The following DNM3 variants were observed in gnomAD, a reference collection of about 807,000 sequenced individuals.
DNM3 encodes the protein dynamin-3.
Under a neutral mutation model 101.6 loss-of-function variants are expected in DNM3, and 47 were observed. The observed-to-expected ratio is 0.46, with a 90% CI of 0.37 to 0.59. The LOEUF is 0.59. Among genes scored for constraint, DNM3 ranks in the 20% least tolerant of loss-of-function variants. The pLI is 0.00. For synonymous variants in DNM3, 385 were observed against 387.9 expected, an observed-to-expected ratio of 0.99 and a Z score of 0.09; for missense variants, 849 against 1,085.7, an observed-to-expected ratio of 0.78 and a Z score of 3.06.
chr1:172,148,476 A>G (rs1356385633), intron 14 of DNM3, among the ~76,000 whole-genome samples: 1 of 152,120 alleles, frequency 6.6e-6, no homozygotes, highest in East Asian at 1.9e-4. Flanking sequence ...TTTAATATTT[A>G]TATATGTGTC....
intron 2 of DNM3, among the ~76,000 whole-genome samples, chr1:171,937,923 GCTGTTGGT>G (rs1283356783): frequency 1.3e-5 from 2 of 152,090 alleles, no homozygotes; most frequent in African/African-American, 2.4e-5. Context: ...TGCTTCTAAA[GCTGTTGGT>G]CTTTGAATCA....
intron 4 of DNM3, among the ~76,000 whole-genome samples, chr1:172,022,913 T>C (rs1042979391): frequency 5.9e-5 from 9 of 152,248 alleles, no homozygotes; most frequent in African/African-American, 2.2e-4. Context: ...GCTGAATAAA[T>C]TTTTATAATC....
intron 4 of DNM3, among the ~76,000 whole-genome samples, chr1:171,994,965 G>T (rs1441234244): frequency 3.3e-5 from 5 of 151,822 alleles, no homozygotes; most frequent in Non-Finnish European, 7.4e-5. Context: ...TCCCCTCCAG[G>T]GGTTTCTAGG....
At chr1:172,391,591 A>C (rs1201914737) in intron 20 of DNM3, among the ~76,000 whole-genome samples, 1 of 152,212 alleles carries the variant, frequency 6.6e-6, no homozygotes, top group Admixed American at 6.5e-5. Context: ...TGTTTGTTTA[A>C]TATATTCTAT....
intron 15 of DNM3, among the ~76,000 whole-genome samples, chr1:172,301,925 G>A (rs997256861): frequency 1.1e-4 from 16 of 152,262 alleles, no homozygotes; most frequent in African/African-American, 2.4e-4. Context: ...CAAGATGACC[G>A]AATAGTAACA....
At chr1:171,895,878 C>T (rs1216399589) in intron 1 of DNM3, among the ~76,000 whole-genome samples, 1 of 152,084 alleles carries the variant, frequency 6.6e-6, no homozygotes, top group Admixed American at 6.5e-5. Context: ...TTTCCCAGCA[C>T]CATTTATTAA....
intron 14 of DNM3, among the ~76,000 whole-genome samples, chr1:172,176,649 C>A (rs902845931): frequency 6.6e-6 from 1 of 151,810 alleles, no homozygotes; most frequent in Non-Finnish European, 1.5e-5. Flanking sequence ...TCCTGACCCA[C>A]AGAAATGTAA....
At chr1:172,175,537 A>G (rs2059126586) in intron 14 of DNM3, among the ~76,000 whole-genome samples, 1 of 151,762 alleles carries the variant, frequency 6.6e-6, no homozygotes, top group African/African-American at 2.4e-5. Flanking sequence ...ATTTAATTTC[A>G]GTGATGTTAG....
intron 1 of DNM3, among the ~76,000 whole-genome samples, chr1:171,884,233 A>C (rs2036570012): frequency 6.6e-6 from 1 of 152,196 alleles, no homozygotes; most frequent in African/African-American, 2.4e-5. Flanking sequence ...GATTTGTATC[A>C]GTGATGAAAA....
At chr1:171,981,244 C>CT (rs1324188545) in intron 2 of DNM3, among the ~76,000 whole-genome samples, 1 of 152,166 alleles carries the variant, frequency 6.6e-6, no homozygotes, top group Non-Finnish European at 1.5e-5. Flanking sequence ...CCCCTGTACT[C>CT]TGTTTTCACT....
At chr1:171,897,066 C>CATAT (rs34763896) in intron 1 of DNM3, among the ~76,000 whole-genome samples, 20 of 151,412 alleles carry the variant, frequency 1.3e-4, no homozygotes, top group South Asian at 2.1e-4. Flanking sequence ...TCATTCAACA[C>CATAT]ATATATATAT....
At chr1:172,331,546 C>G (rs2066183549) in intron 17 of DNM3, among the ~76,000 whole-genome samples, 1 of 152,064 alleles carries the variant, frequency 6.6e-6, no homozygotes, top group Non-Finnish European at 1.5e-5. Flanking sequence ...TTGATTTCAG[C>G]CATGAGCAGC....
chr1:171,926,573 A>G (rs1356659626), intron 2 of DNM3, among the ~76,000 whole-genome samples: 1 of 152,162 alleles, frequency 6.6e-6, no homozygotes, highest in African/African-American at 2.4e-5. Context: ...TTCGACTGAT[A>G]TTTATGTCTA....
At position 172,133,812 on chromosome 1, in the gene DNM3, T is replaced by C. The variant is rs548585982; in HGVS notation, c.1659+2524T>C. ...ACAGTAAGTATAAAAACCCTGGAGATGGGATCCAACAGGAAGTCTGTGGCT... is the reference window on the plus strand; with the variant it reads ...ACAGTAAGTATAAAAACCCTGGAGACGGGATCCAACAGGAAGTCTGTGGCT... On this transcript the variant is annotated intron_variant, in intron 14 of 20. Transcript: ENST00000627582. Among the ~76,000 whole-genome samples, 19 of 152,108 alleles carry C rather than the reference T, an allele frequency of 1.2e-4. No homozygotes were observed. In the South Asian group the frequency reaches 4.0e-3, roughly 32 times the overall value.
At chr1:172,287,309 C>G (rs193102203) in intron 15 of DNM3, among the ~76,000 whole-genome samples, 1 of 152,154 alleles carries the variant, frequency 6.6e-6, no homozygotes, top group Non-Finnish European at 1.5e-5. Context: ...AAATTGTAAT[C>G]TATTTTCTTT....
chr1:172,159,884 A>G (rs1227607370), intron 14 of DNM3, among the ~76,000 whole-genome samples: 1 of 152,022 alleles, frequency 6.6e-6, no homozygotes, highest in East Asian at 1.9e-4. Flanking sequence ...ACACAAACCT[A>G]GGTGGTAGAG....
At chr1:172,130,590 A>T (rs766902882) in intron 13 of DNM3, among the ~76,000 whole-genome samples, 15 of 152,196 alleles carry the variant, frequency 9.9e-5, no homozygotes, top group Non-Finnish European at 2.1e-4. Context: ...TGCTGTTCAA[A>T]TTATAAATTA....
intron 14 of DNM3, among the ~76,000 whole-genome samples, chr1:172,224,527 C>A (rs1300787932): frequency 6.6e-6 from 1 of 151,748 alleles, no homozygotes; most frequent in Admixed American, 6.6e-5. Context: ...TAAATTGACC[C>A]GAGGGAAGCA....
chr1:171,919,487 C>A (rs934776276), intron 1 of DNM3, among the ~76,000 whole-genome samples: 6 of 151,818 alleles, frequency 4.0e-5, no homozygotes, highest in African/African-American at 1.5e-4. Context: ...GACATAAACT[C>A]ATCCTTTTTT....
Sources: gnomAD v4.1 joint callset for allele counts (sites outside exome capture counted in the v4.1 genomes callset) on GRCh38, gnomAD v4.1.1 for gene constraint, MANE v1.5 for transcripts, NCBI Gene and HGNC (gene_info 2026-07-23, HGNC 2026-07-21) for gene names.